Variants in RBFOX1 observed in about 807,000 individuals in gnomAD.
RBFOX1 encodes the protein RNA binding fox-1 homolog 1, also known as RNA binding protein fox-1 homolog 1.
In RBFOX1, 8 loss-of-function variants were observed where a neutral mutation model predicts 57.7. The ratio of observed to expected loss-of-function variants is 0.14; its 90% CI spans 0.08 to 0.25. RBFOX1 has a LOEUF of 0.25. Ranked by LOEUF, RBFOX1 falls within the 10% of genes least tolerant of loss-of-function variation. RBFOX1 has a pLI of 1.00. For synonymous variants in RBFOX1, 326 were observed against 222.4 expected, an observed-to-expected ratio of 1.47 and a Z score of -4.15; for missense variants, 611 against 548.5, an observed-to-expected ratio of 1.11 and a Z score of -1.14.
At chr16:7,490,305 C>G (rs770940777) in intron 4 of RBFOX1, among the ~76,000 whole-genome samples, 1 of 152,220 alleles carries the variant, frequency 6.6e-6, no homozygotes, top group African/African-American at 2.4e-5. Context: ...GATCTTGGAG[C>G]TGCTAGCTCT....
intron 1 of RBFOX1, among the ~76,000 whole-genome samples, chr16:6,115,953 A>G (rs1172851266): frequency 6.6e-6 from 1 of 152,194 alleles, no homozygotes; most frequent in Non-Finnish European, 1.5e-5. Context: ...TCACTCTACT[A>G]TAAAGACACA....
chr16:6,514,680 C>G (rs929925467), intron 2 of RBFOX1, among the ~76,000 whole-genome samples: 9 of 151,808 alleles, frequency 5.9e-5, no homozygotes, highest in African/African-American at 2.2e-4. Context: ...AATGGTGTCT[C>G]CTGAAGTGTT....
At chr16:6,889,889 C>G (rs2065014651) in intron 3 of RBFOX1, among the ~76,000 whole-genome samples, 1 of 152,100 alleles carries the variant, frequency 6.6e-6, no homozygotes, top group African/African-American at 2.4e-5. Flanking sequence ...TTTGAGTTTT[C>G]TTTTAACACA....
intron 1 of RBFOX1, among the ~76,000 whole-genome samples, chr16:5,261,373 C>G (rs1249805633): frequency 6.6e-6 from 1 of 151,500 alleles, no homozygotes; most frequent in African/African-American, 2.4e-5. Context: ...ATTATGAAGA[C>G]TGTTTTTTTT....
At chr16:6,525,347 G>A (rs1468233166) in intron 2 of RBFOX1, among the ~76,000 whole-genome samples, 1 of 152,134 alleles carries the variant, frequency 6.6e-6, no homozygotes, top group East Asian at 1.9e-4. Context: ...ATTTGGGCTG[G>A]TGTAGTTGAG....
At chr16:6,944,819 G>T (rs191678405) in intron 3 of RBFOX1, among the ~76,000 whole-genome samples, 12 of 152,270 alleles carry the variant, frequency 7.9e-5, no homozygotes, top group Admixed American at 6.5e-4. Context: ...AGGACTGGAG[G>T]GCTTTGGGTA....
chr16:5,829,249 G>T (rs111751447), intron 3 of RBFOX1, among the ~76,000 whole-genome samples: 1 of 152,144 alleles, frequency 6.6e-6, no homozygotes, highest in Non-Finnish European at 1.5e-5. Flanking sequence ...GCTGAAGGCC[G>T]CAGCCAGTCA....
intron 3 of RBFOX1, among the ~76,000 whole-genome samples, chr16:6,793,073 C>T (rs974546597): frequency 6.6e-6 from 1 of 151,762 alleles, no homozygotes; most frequent in Non-Finnish European, 1.5e-5. Context: ...CATCTGTTAG[C>T]CACTTGGATG....
In RBFOX1 at chr16:6,247,180, G is replaced by A. The variant is rs186441058; in HGVS notation, c.-126-69815G>A. Among the ~76,000 whole-genome samples, 130 of 152,302 alleles carry A rather than the reference G, an allele frequency of 8.5e-4. 1 individual carries two copies. The highest frequency in any genetic ancestry group is 5.0e-3 in the South Asian group (24 of 4,822). On this transcript the variant is annotated intron_variant, in intron 1 of 15. Coordinates refer to ENST00000550418, the MANE Select transcript of RBFOX1 (RefSeq NM_018723.4). ...CTACTATAACAATTAAATTCAGTAT[G>A]TGAAATTGCAACTGTCTTGGAAACG...
chr16:7,086,863 C>A (rs550367487), intron 4 of RBFOX1, among the ~76,000 whole-genome samples: 1 of 152,150 alleles, frequency 6.6e-6, no homozygotes, highest in Admixed American at 6.5e-5. Context: ...GTTGGTGGGG[C>A]TTGGTTTTTT....
chr16:7,669,867 G>C (rs1043047668), intron 13 of RBFOX1, among the ~76,000 whole-genome samples: 1 of 152,028 alleles, frequency 6.6e-6, no homozygotes, highest in Non-Finnish European at 1.5e-5. Flanking sequence ...TTGACTTGCC[G>C]TCCGCAGTCA....
At chr16:5,749,073 C>CA (rs1186831371) in intron 3 of RBFOX1, among the ~76,000 whole-genome samples, 1 of 152,112 alleles carries the variant, frequency 6.6e-6, no homozygotes, top group Non-Finnish European at 1.5e-5. Context: ...CTGGTGGTGA[C>CA]AAAATCTCTC....
chr16:7,442,411 C>T (rs377726537), intron 4 of RBFOX1, among the ~76,000 whole-genome samples: 1 of 152,234 alleles, frequency 6.6e-6, no homozygotes, highest in South Asian at 2.1e-4. Context: ...ACTCTGGGCC[C>T]TGCAACTCTG....
At chr16:6,009,315 C>T (rs2094946221) in intron 4 of RBFOX1, among the ~76,000 whole-genome samples, 1 of 152,196 alleles carries the variant, frequency 6.6e-6, no homozygotes, top group African/African-American at 2.4e-5. Flanking sequence ...ACTTTGCTCT[C>T]ACACCTGTGA....
At chr16:6,538,295 G>A (rs939511801) in intron 2 of RBFOX1, among the ~76,000 whole-genome samples, 9 of 152,082 alleles carry the variant, frequency 5.9e-5, no homozygotes, top group African/African-American at 1.7e-4. Flanking sequence ...TTTTATACCA[G>A]CCTGGGCAGC....
chr16:7,142,298 A>G (rs2073990578), intron 4 of RBFOX1, among the ~76,000 whole-genome samples: 1 of 152,138 alleles, frequency 6.6e-6, no homozygotes. Context: ...TGGCGGGATT[A>G]TGGACATGAG....
chr16:6,682,945 C>T (rs998986858), intron 3 of RBFOX1, among the ~76,000 whole-genome samples: 1 of 150,080 alleles, frequency 6.7e-6, no homozygotes, highest in Non-Finnish European at 1.5e-5. Context: ...CCAGGCAAGT[C>T]ACATCAGGCC....
intron 4 of RBFOX1, among the ~76,000 whole-genome samples, chr16:7,267,517 C>A (rs980049654): frequency 6.6e-6 from 1 of 151,882 alleles, no homozygotes; most frequent in South Asian, 2.1e-4. Context: ...GCCTGGGCAA[C>A]AGAGTGAGAC....
intron 4 of RBFOX1, among the ~76,000 whole-genome samples, chr16:7,242,143 C>G (rs984249090): frequency 6.6e-6 from 1 of 152,156 alleles, no homozygotes; most frequent in South Asian, 2.1e-4. Context: ...GCTTGGCACA[C>G]ATGCGCACAG....
Sources: gnomAD v4.1 joint callset for allele counts (sites outside exome capture counted in the v4.1 genomes callset) on GRCh38, gnomAD v4.1.1 for gene constraint, MANE v1.5 for transcripts, NCBI Gene and HGNC (gene_info 2026-07-23, HGNC 2026-07-21) for gene names.